Variants in SLC4A4 observed in about 807,000 individuals in gnomAD.
The protein encoded by SLC4A4 is electrogenic sodium bicarbonate cotransporter 1.
Under a neutral mutation model 111.5 loss-of-function variants are expected in SLC4A4, and 27 were observed. The observed-to-expected ratio is 0.24, with a 90% confidence interval of 0.18 to 0.33. SLC4A4 has a LOEUF of 0.33. Among genes scored for constraint, SLC4A4 ranks in the 10% least tolerant of loss-of-function variants. The pLI, the probability that SLC4A4 is intolerant of heterozygous loss-of-function variation, is 1.00. For missense variants in SLC4A4, 909 were observed against 1,315.5 expected (o/e 0.69, Z 4.78); for synonymous variants, 443 against 463.4 (o/e 0.96, Z 0.57).
At chr4:71,192,826 G>A (rs529459690) in intron 1 of SLC4A4, among the ~76,000 whole-genome samples, 20 of 152,266 alleles carry the variant, frequency 1.3e-4, no homozygotes, top group Admixed American at 1.2e-3. Context: ...GCTGGCATCC[G>A]GAAGTCTCCT....
At chr4:71,313,264 C>T (rs189809521) in intron 3 of SLC4A4, among the ~76,000 whole-genome samples, 1 of 152,256 alleles carries the variant, frequency 6.6e-6, no homozygotes, top group East Asian at 1.9e-4. Context: ...AACCACTGCT[C>T]AAGGAAATAA....
chr4:71,535,009 T>C (rs911458933), intron 18 of SLC4A4, among the ~76,000 whole-genome samples: 1 of 152,200 alleles, frequency 6.6e-6, no homozygotes, highest in South Asian at 2.1e-4. Flanking sequence ...CTTTATATAA[T>C]GTTTTTCCAG....
rs1292182758 is a variant in SLC4A4 at position 71,567,024 on chromosome 4, C to T, written c.3217C>T (p.Leu1073Phe). The T allele has an allele frequency of 6.2e-7, 1 of 1,609,864 alleles. No individual in the cohort carries two copies. The highest frequency in any genetic ancestry group is 1.3e-5 in the African/African-American group (1 of 74,624). Residue 1073 changes from leucine (L) to phenylalanine (F), a missense_variant, in exon 25 of 26, where the codon CTT (leucine) becomes TTT (phenylalanine). Physicochemically the swap from Leu to Phe is conservative, Grantham distance 22. This residue lies in a region of SLC4A4 where 85 missense variants were observed against 79.8 expected (regional missense o/e 1.07). Transcript: ENST00000264485. ...PSDRERSPTF[L>F]ERHTSC Reference sequence around the variant, plus strand: ...TCCAGGAGAAAGATCACCAACATTCCTTGAACGCCACACATCATGCTGATA... The same window carrying T: ...TCCAGGAGAAAGATCACCAACATTCTTTGAACGCCACACATCATGCTGATA...
At chr4:71,158,857 T>G (rs1339602839) in intron 2 of SLC4A4, among the ~76,000 whole-genome samples, 1 of 152,154 alleles carries the variant, frequency 6.6e-6, no homozygotes, top group African/African-American at 2.4e-5. Flanking sequence ...CAGAGTGCAC[T>G]TCACGGAGAA....
At chr4:71,171,136 A>G (rs1217808993) in intron 2 of SLC4A4, among the ~76,000 whole-genome samples, 5 of 152,008 alleles carry the variant, frequency 3.3e-5, no homozygotes, top group African/African-American at 1.2e-4. Context: ...CTGAAGAACT[A>G]CTGAAAAATT....
At chr4:71,360,951 A>T (rs1463996003) in intron 6 of SLC4A4, among the ~76,000 whole-genome samples, 1 of 152,026 alleles carries the variant, frequency 6.6e-6, no homozygotes, top group Non-Finnish European at 1.5e-5. Flanking sequence ...GGAAACAGGG[A>T]CTCTCAGCAG....
chr4:71,164,264 C>G (rs1387852686), intron 2 of SLC4A4, among the ~76,000 whole-genome samples: 8 of 151,866 alleles, frequency 5.3e-5, no homozygotes, highest in Non-Finnish European at 8.8e-5. Flanking sequence ...GACTGTAATC[C>G]CAGCTACTCA....
chr4:71,530,622 C>T (rs1733834645), intron 16 of SLC4A4, among the ~76,000 whole-genome samples: 1 of 152,070 alleles, frequency 6.6e-6, no homozygotes, highest in Non-Finnish European at 1.5e-5. Flanking sequence ...GCAAATCTAG[C>T]CCTCCAAGAA....
Position 71,236,582 on chromosome 4 carries a change from G to T in SLC4A4, c.6G>T (p.Glu2Asp). 2 of 1,613,396 alleles carry T rather than the reference G, an allele frequency of 1.2e-6. No individual in the cohort carries two copies. The highest frequency in any genetic ancestry group is 3.3e-5 in the Admixed American group (2 of 60,010). Residue 2 changes from glutamate to aspartate, a missense_variant, in exon 2 of 26, where the codon GAG becomes GAT. This residue lies in a region of SLC4A4 where 117 missense variants were observed against 154.2 expected (regional missense o/e 0.76). Coordinates refer to ENST00000264485, the MANE Select transcript of SLC4A4 (RefSeq NM_001098484.3). Reference protein sequence around the residue: MEDEAVLDRGAS... With the variant: MDDEAVLDRGAS... ...TTCTTTTTTATTACTATAGGATGGA[G>T]GATGAAGCTGTCCTGGACAGAGGGG...
intron 3 of SLC4A4, among the ~76,000 whole-genome samples, chr4:71,264,101 A>G (rs1161706478): frequency 6.6e-6 from 1 of 152,136 alleles, no homozygotes; most frequent in African/African-American, 2.4e-5. Context: ...AGTTGGTACT[A>G]TATGTGTATC....
At chr4:71,100,221 G>A (rs1036648287) in intron 2 of SLC4A4, among the ~76,000 whole-genome samples, 2 of 151,886 alleles carry the variant, frequency 1.3e-5, no homozygotes, top group African/African-American at 2.4e-5. Context: ...CTTGCAAATC[G>A]AATCCAGCAG....
At chr4:71,442,350 A>G (rs1484755675) in intron 8 of SLC4A4, among the ~76,000 whole-genome samples, 1 of 152,212 alleles carries the variant, frequency 6.6e-6, no homozygotes, top group Non-Finnish European at 1.5e-5. Flanking sequence ...GGAGCCAGGC[A>G]ATTCAAGGCA....
rs548881170 is a variant in SLC4A4, at chr4:71,196,952, C to T, written c.-2+9551C>T. Reference sequence around the variant, plus strand: ...ATTTCTGGCTGGGCACGGTGGCTCACGCATATAATCCCAGCACTTTGGGAG... The same window carrying T: ...ATTTCTGGCTGGGCACGGTGGCTCATGCATATAATCCCAGCACTTTGGGAG... On this transcript the variant is annotated intron_variant, in intron 1 of 25. Transcript: ENST00000264485. 1.5e-4 allele frequency among the ~76,000 whole-genome samples: 23 copies of T among 149,338 alleles called. 1 individual carries two copies. In the South Asian group the frequency reaches 4.7e-3, roughly 31 times the overall value.
intron 6 of SLC4A4, among the ~76,000 whole-genome samples, chr4:71,395,618 C>A (rs1240968792): frequency 6.6e-6 from 1 of 152,112 alleles, no homozygotes; most frequent in African/African-American, 2.4e-5. Context: ...ATAATGAAAA[C>A]CTCATTAATT....
chr4:71,145,902 C>G (rs1744151840), intron 2 of SLC4A4, among the ~76,000 whole-genome samples: 1 of 152,118 alleles, frequency 6.6e-6, no homozygotes. Flanking sequence ...AAACCAGCTC[C>G]TGGATTCGTT....
intron 18 of SLC4A4, among the ~76,000 whole-genome samples, chr4:71,545,121 T>C (rs1735402165): frequency 6.6e-6 from 1 of 152,104 alleles, no homozygotes; most frequent in African/African-American, 2.4e-5. Context: ...TATTAACCTA[T>C]ATCTATTCAT....
intron 1 of SLC4A4, among the ~76,000 whole-genome samples, chr4:71,088,014 C>G (rs13144201): frequency 1.3e-5 from 2 of 151,650 alleles, no homozygotes; most frequent in South Asian, 4.1e-4. Context: ...GTGTTAAAAT[C>G]TCCCATTATT....
chr4:71,443,842 A>C (rs989200023), intron 8 of SLC4A4, among the ~76,000 whole-genome samples: 1 of 152,164 alleles, frequency 6.6e-6, no homozygotes, highest in African/African-American at 2.4e-5. Context: ...TAATTGTCAA[A>C]GCCATTAAAA....
intron 1 of SLC4A4, among the ~76,000 whole-genome samples, chr4:71,065,511 A>G (rs550119407): frequency 6.6e-6 from 1 of 152,208 alleles, no homozygotes; most frequent in Non-Finnish European, 1.5e-5. Flanking sequence ...TTCAATTGCT[A>G]TTTGTCGATG....
Sources: gnomAD v4.1 joint callset for allele counts (sites outside exome capture counted in the v4.1 genomes callset) on GRCh38, gnomAD v4.1.1 for gene constraint, gnomAD v4.1.1 regional missense constraint, MANE v1.5 for transcripts, NCBI Gene and HGNC (gene_info 2026-07-23, HGNC 2026-07-21) for gene names.